The following LRTM3 variants were observed in gnomAD, a reference collection of about 807,000 sequenced individuals.
LRTM3 encodes leucine-rich repeat transmembrane protein 3.
chr13:102,729,374 TTA>T, the LRTM3 span: 1 of 1,110,970 alleles, frequency 9.0e-7, no homozygotes, highest in African/African-American at 1.6e-5. Context: ...CCATTGGATG[TTA>T]TATGATTGTA....
chr13:102,755,918 T>TGA, the LRTM3 span, among the ~76,000 whole-genome samples: 1 of 60,130 alleles, frequency 1.7e-5, no homozygotes, highest in East Asian at 3.2e-4. Flanking sequence ...TGTGTGTGTG[T>TGA]GTGTGTGTGT....
chr13:102,744,973 ATT>A, the LRTM3 span: 1 of 1,550,742 alleles, frequency 6.4e-7, no homozygotes, highest in Non-Finnish European at 8.7e-7. Flanking sequence ...AAACTTCACC[ATT>A]TACTGAGTCC....
At chr13:102,747,239 A>G in the LRTM3 span, 1 of 1,550,254 alleles carries the variant, frequency 6.5e-7, no homozygotes, top group Non-Finnish European at 8.7e-7. Context: ...TCTGCTATAC[A>G]TTCTAGTATT....
At chr13:102,729,452 C>T in the LRTM3 span, 1 of 1,450,488 alleles carries the variant, frequency 6.9e-7, no homozygotes, top group Non-Finnish European at 9.1e-7. Flanking sequence ...ATGGTAATGT[C>T]AGCTATGAAA....
At chr13:102,744,682 G>C in the LRTM3 span, 1 of 1,550,818 alleles carries the variant, frequency 6.4e-7, no homozygotes, top group South Asian at 1.2e-5. Context: ...TACTGAAACG[G>C]AGGTGTTGAC....
chr13:102,739,877 T>A, the LRTM3 span: 1 of 1,550,220 alleles, frequency 6.5e-7, no homozygotes, highest in Admixed American at 2.0e-5. Flanking sequence ...GACCATTTTG[T>A]CTGTCATGTT....
chr13:102,749,568 C>T, the LRTM3 span: 1 of 1,551,386 alleles, frequency 6.4e-7, no homozygotes, highest in Non-Finnish European at 8.7e-7. Flanking sequence ...TTTGCCTCAA[C>T]AATTGATGGA....
chr13:102,736,661 T>C, the LRTM3 span: 2 of 1,550,362 alleles, frequency 1.3e-6, no homozygotes, highest in Middle Eastern at 1.7e-4. Context: ...TTCTTGTGCC[T>C]TTTCCCCTTG....
the LRTM3 span, chr13:102,737,259 T>C: frequency 6.4e-7 from 1 of 1,551,056 alleles, no homozygotes. Context: ...AAAGACTTTG[T>C]ATGTGCTATT....
At chr13:102,746,624 G>T in the LRTM3 span, 9 of 1,551,006 alleles carry the variant, frequency 5.8e-6, no homozygotes, top group African/African-American at 6.9e-5. Flanking sequence ...TGTACTTGTT[G>T]TGAGTGCAAA....
the LRTM3 span, chr13:102,742,881 T>C: frequency 1.3e-6 from 2 of 1,550,782 alleles, no homozygotes; most frequent in South Asian, 2.4e-5. Context: ...TTGTTTGATA[T>C]GGCATCATCT....
chr13:102,749,150 C>T, the LRTM3 span: 105 of 1,550,548 alleles, frequency 6.8e-5, no homozygotes, highest in Admixed American at 1.8e-3. Flanking sequence ...TAACTCATTC[C>T]TATTTTTTAA....
At chr13:102,737,539 T>C in the LRTM3 span, 3 of 1,550,848 alleles carry the variant, frequency 1.9e-6, no homozygotes, top group Non-Finnish European at 2.6e-6. Flanking sequence ...CCTCTTTCCC[T>C]TGCTCCTGGC....
the LRTM3 span, chr13:102,742,450 T>C: frequency 6.5e-7 from 1 of 1,548,526 alleles, no homozygotes; most frequent in Non-Finnish European, 8.7e-7. Flanking sequence ...TCTTGGGATC[T>C]GCCCTTGTTT....
chr13:102,739,899 C>T, the LRTM3 span: 16 of 1,550,256 alleles, frequency 1.0e-5, no homozygotes, highest in Non-Finnish European at 1.4e-5. Context: ...CACTGCATTT[C>T]TAGTCTGTTA....
At chr13:102,749,515 C>T in the LRTM3 span, 2 of 1,551,408 alleles carry the variant, frequency 1.3e-6, no homozygotes. Context: ...AATGTTGGTC[C>T]TCACCTAAGT....
chr13:102,749,139 C>T, the LRTM3 span: 28 of 1,550,290 alleles, frequency 1.8e-5, no homozygotes, highest in Non-Finnish European at 1.2e-5. Flanking sequence ...TTCTTGCATC[C>T]TAACTCATTC....
the LRTM3 span, among the ~76,000 whole-genome samples, chr13:102,752,176 T>C: frequency 6.6e-6 from 1 of 152,178 alleles, no homozygotes; most frequent in Non-Finnish European, 1.5e-5. Context: ...CTTCACCTTT[T>C]GATGTCAGAG....
At chr13:102,746,179 C>A in the LRTM3 span, 1 of 1,551,108 alleles carries the variant, frequency 6.4e-7, no homozygotes, top group Non-Finnish European at 8.7e-7. Flanking sequence ...TAATATGTAG[C>A]TCCAGTGTTA....
Sources: allele counts gnomAD v4.1 joint callset (sites outside exome capture counted in the v4.1 genomes callset), GRCh38; gene constraint gnomAD v4.1.1; transcripts MANE v1.5; gene names NCBI Gene and HGNC (gene_info 2026-07-23, HGNC 2026-07-21).